The following CENPI variants were observed in gnomAD, a reference collection of about 807,000 sequenced individuals.
The protein encoded by CENPI is FSH primary response 1.
CENPI carries 4 observed loss-of-function variants against 60.4 expected under a neutral mutation model. The ratio of observed to expected loss-of-function variants is 0.07; its 90% CI spans 0.03 to 0.15. The LOEUF is 0.15. Among genes scored for constraint, CENPI ranks in the 10% least tolerant of loss-of-function variants. The pLI is 1.00. For missense variants in CENPI, 444 were observed against 534.5 expected (o/e 0.83, Z 1.67); for synonymous variants, 157 against 189.4 (o/e 0.83, Z 1.40).
intron 4 of CENPI, among the ~76,000 whole-genome samples, chrX:101,103,561 G>A (rs904512542): frequency 5.5e-5 from 6 of 109,059 alleles, no homozygotes; most frequent in African/African-American, 1.3e-4. Flanking sequence ...GGTTGGTCTC[G>A]AACTCCCGAC....
At chrX:101,113,329 G>GT (rs750407391) in intron 6 of CENPI, among the ~76,000 whole-genome samples, 19,525 of 90,430 alleles carry the variant, frequency 0.22, 2,030 homozygotes, top group Middle Eastern at 0.25. Context: ...ACACAGAGTA[G>GT]ATTTTTTTTT....
chrX:101,179,241 C>G, the CENPI span, among the ~76,000 whole-genome samples: 258 of 111,916 alleles, frequency 2.3e-3, no homozygotes, highest in Middle Eastern at 4.6e-3. Context: ...TCACCTGTGC[C>G]GGACGTTTCA....
At chrX:101,173,314 CTTTTTTTT>C in the CENPI span, among the ~76,000 whole-genome samples, 4 of 50,506 alleles carry the variant, frequency 7.9e-5, no homozygotes, top group African/African-American at 2.8e-4. Context: ...TGCCTGGCCT[CTTTTTTTT>C]TTTTTTTTTT....
At chrX:101,171,665 A>C in the CENPI span, among the ~76,000 whole-genome samples, 1 of 111,457 alleles carries the variant, frequency 9.0e-6, no homozygotes, top group African/African-American at 3.3e-5. Flanking sequence ...GGGATCAAAC[A>C]ATCCTCCCAC....
At chrX:101,108,345 C>A (rs1471165172) in intron 4 of CENPI, among the ~76,000 whole-genome samples, 2 of 108,364 alleles carry the variant, frequency 1.8e-5, no homozygotes, top group African/African-American at 6.6e-5. Context: ...CAGGAGGCAC[C>A]ACCATGCCCA....
chrX:101,169,708 C>G (rs1238661468), downstream of CENPI, among the ~76,000 whole-genome samples: 1 of 111,737 alleles, frequency 8.9e-6, no homozygotes, highest in Non-Finnish European at 1.9e-5. Flanking sequence ...TTGTTATCAT[C>G]AGAGATGACA....
the CENPI span, among the ~76,000 whole-genome samples, chrX:101,176,943 T>C: frequency 8.9e-6 from 1 of 112,448 alleles, no homozygotes; most frequent in Non-Finnish European, 1.9e-5. Context: ...AGGATGCTAT[T>C]ATTGGTGGAG....
the CENPI span, among the ~76,000 whole-genome samples, chrX:101,177,242 A>C: frequency 9.0e-6 from 1 of 111,202 alleles, no homozygotes; most frequent in Non-Finnish European, 1.9e-5. Flanking sequence ...TTTGCTCCCA[A>C]GCTATCCACA....
At chrX:101,152,886 T>C (rs2090020417) in intron 20 of CENPI, among the ~76,000 whole-genome samples, 1 of 110,370 alleles carries the variant, frequency 9.1e-6, no homozygotes, top group African/African-American at 3.3e-5. Flanking sequence ...AGTATTCTTA[T>C]AAAAGGTTTT....
At chrX:101,143,498 G>A (rs748826993) in intron 16 of CENPI, among the ~76,000 whole-genome samples, 2 of 111,694 alleles carry the variant, frequency 1.8e-5, no homozygotes, top group African/African-American at 6.5e-5. Context: ...CCCTTTTAGG[G>A]TTGAATTGAA....
chrX:101,144,087 C>CTTTTTTTTT (rs58858609), intron 16 of CENPI, among the ~76,000 whole-genome samples: 175 of 79,558 alleles, frequency 2.2e-3, no homozygotes, highest in Non-Finnish European at 3.1e-3. Context: ...TTTTCTTTTT[C>CTTTTTTTTT]TTTTTTTTTT....
intron 12 of CENPI, among the ~76,000 whole-genome samples, chrX:101,129,063 C>T (rs1178019985): frequency 8.9e-6 from 1 of 111,842 alleles, no homozygotes; most frequent in Non-Finnish European, 1.9e-5. Context: ...GGTGGCTCCA[C>T]TTTGATGACT....
chrX:101,172,970 A>G, the CENPI span, among the ~76,000 whole-genome samples: 1 of 108,935 alleles, frequency 9.2e-6, no homozygotes, highest in South Asian at 4.0e-4. Context: ...ATGCAAAGAC[A>G]ATTGTATATG....
intron 4 of CENPI, among the ~76,000 whole-genome samples, chrX:101,105,570 T>A (rs2089474498): frequency 9.0e-6 from 1 of 111,553 alleles, no homozygotes; most frequent in South Asian, 3.7e-4. Flanking sequence ...ACAGATGTTT[T>A]CTATTTTAGA....
intron 6 of CENPI, among the ~76,000 whole-genome samples, chrX:101,119,165 A>T (rs1253806974): frequency 8.9e-6 from 1 of 111,895 alleles, no homozygotes; most frequent in Non-Finnish European, 1.9e-5. Flanking sequence ...GGGCAACAAG[A>T]GTGAAACTCC....
chrX:101,119,426 C>G (rs1469429904), intron 6 of CENPI, among the ~76,000 whole-genome samples: 2 of 111,741 alleles, frequency 1.8e-5, no homozygotes, highest in Non-Finnish European at 3.8e-5. Flanking sequence ...TATTGGCAAA[C>G]TTTTTCTTAA....
intron 20 of CENPI, among the ~76,000 whole-genome samples, chrX:101,152,800 A>ATG (rs1279131183): frequency 1.8e-5 from 2 of 111,142 alleles, no homozygotes; most frequent in African/African-American, 6.5e-5. Context: ...ATTCCTATAT[A>ATG]TATATATGAC....
the CENPI span, among the ~76,000 whole-genome samples, chrX:101,171,462 A>G: frequency 8.9e-6 from 1 of 112,033 alleles, no homozygotes; most frequent in Non-Finnish European, 1.9e-5. Context: ...TTTTGGAAAC[A>G]AGGTGACACT....
At chrX:101,149,912 A>G (rs2089993233) in intron 20 of CENPI, among the ~76,000 whole-genome samples, 1 of 110,948 alleles carries the variant, frequency 9.0e-6, no homozygotes, top group Admixed American at 9.8e-5. Context: ...TAGTTCTGAT[A>G]TACAACAAGA....
Sources: allele counts gnomAD v4.1 joint callset (sites outside exome capture counted in the v4.1 genomes callset), GRCh38; gene constraint gnomAD v4.1.1; transcripts MANE v1.5; gene names NCBI Gene and HGNC (gene_info 2026-07-23, HGNC 2026-07-21).